CLTCL1: variants seen among roughly 807,000 people sequenced by gnomAD.
The protein encoded by CLTCL1 is clathrin heavy chain 2.
Under a neutral mutation model 190.0 loss-of-function variants are expected in CLTCL1, and 159 were observed. That is an observed-to-expected ratio of 0.84 (90% confidence interval 0.74 to 0.95). The LOEUF (loss-of-function observed/expected upper bound fraction) is 0.95. Ranked by LOEUF, CLTCL1 falls within the 40% of genes least tolerant of loss-of-function variation. The pLI, the probability that CLTCL1 is intolerant of heterozygous loss-of-function variation, is 0.00. For missense variants in CLTCL1, 1,878 were observed against 2,033.4 expected, an observed-to-expected ratio of 0.92 and a Z score of 1.47; for synonymous variants, 752 against 769.6, an observed-to-expected ratio of 0.98 and a Z score of 0.38.
intron 3 of CLTCL1, among the ~76,000 whole-genome samples, chr22:19,245,989 G>A (rs9605961): frequency 2.0e-5 from 3 of 152,142 alleles, no homozygotes; most frequent in Non-Finnish European, 4.4e-5. Context: ...TTTTTGTGTG[G>A]ATACATTTTC....
intron 4 of CLTCL1, among the ~76,000 whole-genome samples, chr22:19,241,250 C>T (rs879961857): frequency 6.6e-6 from 1 of 152,230 alleles, no homozygotes; most frequent in African/African-American, 2.4e-5. Context: ...TACAGAGCCC[C>T]GCTCTGGGAA....
chr22:19,240,051 C>T (rs181708371), intron 4 of CLTCL1, among the ~76,000 whole-genome samples: 197 of 151,220 alleles, frequency 1.3e-3, no homozygotes, highest in African/African-American at 4.2e-3. Context: ...CGGGTTCAAG[C>T]GATTCTCGTG....
Position 19,243,700 on chromosome 22 carries a change from T to TC in CLTCL1, c.520-765_520-764insG, listed in dbSNP as rs371929983. Among the ~76,000 whole-genome samples the TC allele has an allele frequency of 6.1e-3, 865 of 141,474 alleles. 7 individuals carry two copies. Among genetic ancestry groups the TC allele is most frequent in the African/African-American group, 0.019 (707 of 37,956 alleles). 92.8% of individuals were successfully genotyped at this position (141,474 alleles called of 152,430 possible). Reference sequence around the variant, plus strand: ...CTTGTATTTTCTTTCTTTCTTTCTTTTTTTTTTTTTTTTTTGTGATGGAGT... The same window carrying TC: ...CTTGTATTTTCTTTCTTTCTTTCTTTCTTTTTTTTTTTTTTTGTGATGGAGT... On this transcript the variant is annotated intron_variant, in intron 3 of 32. Coordinates refer to ENST00000427926, the MANE Select transcript of CLTCL1 (RefSeq NM_007098.4).
chr22:19,222,662 C>G (rs2085611742), intron 15 of CLTCL1, 22 bp downstream of exon 15: 1 of 1,581,938 alleles, frequency 6.3e-7, no homozygotes, highest in South Asian at 1.2e-5. Flanking sequence ...AGCCGGGTGT[C>G]ACTCCAGGGA....
intron 2 of CLTCL1, among the ~76,000 whole-genome samples, chr22:19,271,768 GAC>G (rs2087328983): frequency 6.6e-6 from 1 of 152,118 alleles, no homozygotes; most frequent in African/African-American, 2.4e-5. Context: ...GGACATAAAA[GAC>G]CTCTGTCTGT....
chr22:19,269,260 C>T (rs1267478591), intron 2 of CLTCL1, among the ~76,000 whole-genome samples: 2 of 151,750 alleles, frequency 1.3e-5, no homozygotes, highest in South Asian at 2.1e-4. Flanking sequence ...ATTAGCCAAG[C>T]GCAATGGCAG....
chr22:19,276,901 T>C (rs540507437), intron 1 of CLTCL1, among the ~76,000 whole-genome samples: 8 of 152,270 alleles, frequency 5.3e-5, no homozygotes, highest in Non-Finnish European at 1.0e-4. Flanking sequence ...CTCAATCTCC[T>C]GACCTCGTGA....
chr22:19,195,301 T>C (rs1771546), intron 26 of CLTCL1, among the ~76,000 whole-genome samples: 148,714 of 152,288 alleles, frequency 0.98, 72,638 homozygotes, highest in East Asian at 1. Context: ...AGGCCCCCAC[T>C]TTCACGTACC....
rs114089492 is a variant in CLTCL1, at chr22:19,214,012, C to G, written c.3065+2099G>C. ...GTACAGTGTTCATTTCTACTGCTAT[C>G]TGGTATTCCACTGTATGACTGTACT... On this transcript the variant is annotated intron_variant, in intron 19 of 32. Coordinates refer to ENST00000427926, the MANE Select transcript of CLTCL1 (RefSeq NM_007098.4). Among the ~76,000 whole-genome samples, 862 of 152,244 alleles carry G rather than the reference C, an allele frequency of 5.7e-3. 11 individuals are homozygous for G. Among genetic ancestry groups the G allele is most frequent in the African/African-American group, 0.019 (775 of 41,538 alleles).
intron 29 of CLTCL1, among the ~76,000 whole-genome samples, chr22:19,186,406 C>T (rs1366375099): frequency 6.6e-6 from 1 of 151,942 alleles, no homozygotes; most frequent in Non-Finnish European, 1.5e-5. Context: ...CTCCAGGCAG[C>T]CCAACCTGTC....
chr22:19,251,972 C>T (rs1356804736), intron 3 of CLTCL1, among the ~76,000 whole-genome samples: 2 of 152,160 alleles, frequency 1.3e-5, no homozygotes, highest in African/African-American at 2.4e-5. Flanking sequence ...GTCTTGTCTC[C>T]CCTGTATATC....
Position 19,254,032 on chromosome 22 carries a change from A to C in CLTCL1, c.446T>G (p.Val149Gly). The C allele has an allele frequency of 6.2e-7, 1 of 1,612,544 alleles. No homozygotes were observed. Among genetic ancestry groups the C allele is most frequent in the Non-Finnish European group, 8.5e-7 (1 of 1,179,216 alleles). ...CCGGTAGTGAATCACCTGGCAGCCC[A>C]CCAGACTGGTATGTCTATCAAACAT... The part of the protein sequence containing the change: ...MKMFDRHTSL[V>G]GCQVIHYRTD... Residue 149 changes from valine to glycine, a missense_variant, in exon 3 of 33, where the codon GTG becomes GGG. Transcript: ENST00000427926.
At chr22:19,180,084 AC>A in intron 32 of CLTCL1, 114 bp downstream of exon 32, 1 of 916,962 alleles carries the variant, frequency 1.1e-6, no homozygotes, top group Non-Finnish European at 1.7e-6. Flanking sequence ...ACCAGCCCTT[AC>A]CACCCAGACG....
chr22:19,270,803 T>C (rs2087290795), intron 2 of CLTCL1, among the ~76,000 whole-genome samples: 2 of 145,016 alleles, frequency 1.4e-5, no homozygotes, highest in Admixed American at 1.4e-4. Flanking sequence ...CAAAGAAAGA[T>C]ATAAAAAAAA....
In CLTCL1 at chr22:19,221,976, CCAACT is replaced by C; in HGVS notation, c.2531_2535del (p.Glu844GlyfsTer3). ...CTATTTCTTTTTTCTACTTCAGCCA[CCAACT>C]CATCAGTAGAGAACTGTCCTCTCAC... On this transcript the variant is annotated frameshift_variant, in exon 16 of 33. Transcript: ENST00000427926. LOFTEE classifies it high-confidence loss of function. 1 of 1,613,964 alleles carries C rather than the reference CCAACT, an allele frequency of 6.2e-7. No homozygotes were observed. Among genetic ancestry groups the C allele is most frequent in the Non-Finnish European group, 8.5e-7 (1 of 1,179,890 alleles).
At chr22:19,239,948 CTTTTTTT>C (rs34417269) in intron 4 of CLTCL1, among the ~76,000 whole-genome samples, 6 of 137,250 alleles carry the variant, frequency 4.4e-5, no homozygotes, top group African/African-American at 1.3e-4. Flanking sequence ...TCTTTTTCTT[CTTTTTTT>C]TTTTTTTTTT....
intron 27 of CLTCL1, among the ~76,000 whole-genome samples, chr22:19,190,008 GCA>G (rs2084438880): frequency 1.3e-5 from 2 of 152,072 alleles, no homozygotes; most frequent in African/African-American, 4.8e-5. Flanking sequence ...GTGCTGTGGT[GCA>G]ATCTCGGCTC....
chr22:19,285,523 T>C (rs985987039), intron 1 of CLTCL1, among the ~76,000 whole-genome samples: 3 of 152,204 alleles, frequency 2.0e-5, no homozygotes, highest in Non-Finnish European at 4.4e-5. Flanking sequence ...TCTATATTTA[T>C]CCCAGTTAAA....
intron 2 of CLTCL1, among the ~76,000 whole-genome samples, chr22:19,260,614 C>T (rs973809348): frequency 1.3e-5 from 2 of 151,722 alleles, no homozygotes; most frequent in African/African-American, 2.4e-5. Context: ...CCCGTCTCTA[C>T]TAAAAATACA....
Sources: allele counts gnomAD v4.1 joint callset (sites outside exome capture counted in the v4.1 genomes callset), GRCh38; gene constraint gnomAD v4.1.1; transcripts MANE v1.5; gene names NCBI Gene and HGNC (gene_info 2026-07-23, HGNC 2026-07-21).